NXPE2: variants seen among roughly 807,000 people sequenced by gnomAD.
The protein encoded by NXPE2 is neurexophilin and PC-esterase domain family member 2, also known as NXPE family member 2.
Under a neutral mutation model 34.4 loss-of-function variants are expected in NXPE2, and 34 were observed. The observed-to-expected ratio is 0.99, with a 90% CI of 0.75 to 1.31. NXPE2 has a LOEUF of 1.31. Ranked by LOEUF, NXPE2 falls within the 40% of genes most tolerant of loss-of-function variation. The pLI is 0.00. For missense variants in NXPE2, 649 were observed against 672.5 expected, an observed-to-expected ratio of 0.97 and a Z score of 0.39; for synonymous variants, 235 against 231.3, an observed-to-expected ratio of 1.02 and a Z score of -0.15.
the NXPE2 span, among the ~76,000 whole-genome samples, chr11:114,795,508 T>G: frequency 6.6e-6 from 1 of 152,180 alleles, no homozygotes; most frequent in Non-Finnish European, 1.5e-5. Context: ...GTTTCCAACT[T>G]TGGATTAACT....
chr11:114,571,077 A>T, the NXPE2 span: 9 of 1,613,918 alleles, frequency 5.6e-6, no homozygotes, highest in African/African-American at 9.3e-5. Context: ...AATGTCCTTT[A>T]TGATGAGATA....
the NXPE2 span, among the ~76,000 whole-genome samples, chr11:114,737,801 G>C: frequency 6.6e-6 from 1 of 152,146 alleles, no homozygotes; most frequent in African/African-American, 2.4e-5. Context: ...AGATTGGAGA[G>C]GCTGGGCGCA....
At chr11:114,633,620 C>T in the NXPE2 span, among the ~76,000 whole-genome samples, 1 of 151,376 alleles carries the variant, frequency 6.6e-6, no homozygotes, top group African/African-American at 2.4e-5. Flanking sequence ...CACCCTGCCC[C>T]CAGCCCACAA....
At chr11:114,644,849 C>G in the NXPE2 span, among the ~76,000 whole-genome samples, 14 of 151,714 alleles carry the variant, frequency 9.2e-5, no homozygotes, top group African/African-American at 3.4e-4. Context: ...GTAATTAAGA[C>G]AGTGTAGCAT....
At chr11:114,582,574 T>G in the NXPE2 span, 1 of 1,614,178 alleles carries the variant, frequency 6.2e-7, no homozygotes. Context: ...CTGGGGTGGA[T>G]GAGCAGCAGA....
At chr11:114,765,704 G>A in the NXPE2 span, among the ~76,000 whole-genome samples, 13 of 152,124 alleles carry the variant, frequency 8.5e-5, no homozygotes, top group African/African-American at 2.4e-5. Context: ...ACTTTCATCT[G>A]TGTATACCTG....
chr11:114,565,214 T>A, the NXPE2 span, among the ~76,000 whole-genome samples: 4 of 152,216 alleles, frequency 2.6e-5, no homozygotes, highest in Non-Finnish European at 5.9e-5. Flanking sequence ...CACATGGGCT[T>A]TTGCAGGCTT....
intron 2 of NXPE2, among the ~76,000 whole-genome samples, chr11:114,691,355 A>T (rs80318396): frequency 8.0e-4 from 122 of 151,638 alleles, no homozygotes; most frequent in African/African-American, 2.3e-3. Flanking sequence ...TAAGCTCTTT[A>T]TGGGTTCATT....
At chr11:114,764,081 T>A in the NXPE2 span, among the ~76,000 whole-genome samples, 2 of 152,154 alleles carry the variant, frequency 1.3e-5, no homozygotes, top group Admixed American at 6.5e-5. Context: ...AACTCCTGTT[T>A]CCTCATGGTG....
At chr11:114,507,247 C>CAAAAAAAAAA in the NXPE2 span, among the ~76,000 whole-genome samples, 2 of 91,402 alleles carry the variant, frequency 2.2e-5, no homozygotes, top group African/African-American at 3.8e-5. Flanking sequence ...GCCAACCAAC[C>CAAAAAAAAAA]AAAAAAAAAA....
chr11:114,794,115 T>C, the NXPE2 span, among the ~76,000 whole-genome samples: 1 of 152,120 alleles, frequency 6.6e-6, no homozygotes, highest in South Asian at 2.1e-4. Flanking sequence ...AATTTAGCAC[T>C]TCCTGCTGAG....
the NXPE2 span, among the ~76,000 whole-genome samples, chr11:114,649,535 G>A: frequency 5.9e-5 from 9 of 152,220 alleles, no homozygotes; most frequent in Non-Finnish European, 1.0e-4. Context: ...AAAAGGCAAA[G>A]CTATAGAGAC....
At chr11:114,638,128 C>T in the NXPE2 span, among the ~76,000 whole-genome samples, 1 of 151,678 alleles carries the variant, frequency 6.6e-6, no homozygotes. Context: ...GGTCTTGTCA[C>T]ATAGTCCCAT....
the NXPE2 span, among the ~76,000 whole-genome samples, chr11:114,725,976 A>ATATATATATATATATATATATATAT: frequency 1.1e-3 from 114 of 101,540 alleles, 6 homozygotes; most frequent in East Asian, 1.8e-3. Flanking sequence ...ATAAAAAAAA[A>ATATATATATATATATATATATATAT]ATATATATAT....
At chr11:114,613,524 G>A in the NXPE2 span, among the ~76,000 whole-genome samples, 3 of 149,684 alleles carry the variant, frequency 2.0e-5, no homozygotes, top group East Asian at 2.0e-4. Flanking sequence ...GTATTGCTTC[G>A]TGGGTAATCA....
At chr11:114,700,040 C>T (rs1483987674) in intron 3 of NXPE2, among the ~76,000 whole-genome samples, 1 of 152,146 alleles carries the variant, frequency 6.6e-6, no homozygotes, top group Non-Finnish European at 1.5e-5. Context: ...GTGATCCACC[C>T]ACTTCAGCCT....
chr11:114,654,859 T>C, the NXPE2 span, among the ~76,000 whole-genome samples: 1 of 152,200 alleles, frequency 6.6e-6, no homozygotes, highest in Non-Finnish European at 1.5e-5. Flanking sequence ...CTGGGTCAAA[T>C]GGTATTTCTG....
the NXPE2 span, among the ~76,000 whole-genome samples, chr11:114,604,305 T>C: frequency 1.3e-5 from 2 of 150,398 alleles, no homozygotes; most frequent in African/African-American, 2.5e-5. Flanking sequence ...TGGGTAACAA[T>C]TCTTACCCTG....
At chr11:114,629,881 A>G in the NXPE2 span, among the ~76,000 whole-genome samples, 2 of 150,528 alleles carry the variant, frequency 1.3e-5, no homozygotes, top group Non-Finnish European at 3.0e-5. Context: ...CCAACAACAG[A>G]CAAACAGAGA....
Sources: gnomAD v4.1 joint callset for allele counts (sites outside exome capture counted in the v4.1 genomes callset) on GRCh38, gnomAD v4.1.1 for gene constraint, MANE v1.5 for transcripts, NCBI Gene and HGNC (gene_info 2026-07-23, HGNC 2026-07-21) for gene names.